Variants in NEBL observed in about 807,000 individuals in gnomAD.
NEBL encodes the protein LIM and SH3 protein 2.
Under a neutral mutation model 140.2 loss-of-function variants are expected in NEBL, and 122 were observed. The observed-to-expected ratio is 0.87, with a 90% CI of 0.75 to 1.01. The LOEUF (loss-of-function observed/expected upper bound fraction) is 1.01. Among genes scored for constraint, NEBL ranks in the 50% least tolerant of loss-of-function variants. The probability of loss-of-function intolerance (pLI) is 0.00; values close to 1 mark genes in which losing one functional copy is unlikely to be tolerated. For synonymous variants in NEBL, 436 were observed against 398.9 expected, an observed-to-expected ratio of 1.09 and a Z score of -1.11; for missense variants, 1,365 against 1,231.3, an observed-to-expected ratio of 1.11 and a Z score of -1.62.
At chr10:21,190,888 A>G (rs1209773695) in intron 3 of NEBL, among the ~76,000 whole-genome samples, 1 of 152,200 alleles carries the variant, frequency 6.6e-6, no homozygotes, top group Non-Finnish European at 1.5e-5. Context: ...GAGGTAAGTA[A>G]TATCTGAGGG....
intron 4 of NEBL, among the ~76,000 whole-genome samples, chr10:20,956,553 T>C (rs1212707394): frequency 2.6e-5 from 4 of 152,168 alleles, no homozygotes; most frequent in Non-Finnish European, 5.9e-5. Context: ...ACCTCATAAC[T>C]AATCGTCTAT....
chr10:21,095,755 A>T (rs886100976), intron 2 of NEBL, among the ~76,000 whole-genome samples: 1 of 152,186 alleles, frequency 6.6e-6, no homozygotes, highest in Middle Eastern at 3.2e-3. Context: ...ATGCAATGAG[A>T]TGTAATATAT....
Position 21,245,692 on chromosome 10 carries a change from C to T in NEBL, n.348+2229G>A, listed in dbSNP as rs1218881246. Among the ~76,000 whole-genome samples the T allele has an allele frequency of 7.3e-5, 11 of 151,428 alleles. No individual in the cohort carries two copies. The East Asian group carries it at 7.8e-4, about 11-fold the overall frequency. On this transcript the variant is annotated intron_variant and non_coding_transcript_variant, in intron 3 of 8. Coordinates refer to the NEBL transcript ENST00000675702. ...AATTGCAGGTGCCCACCACCATGCC[C>T]GGCTAATTTTTTGTATTAGCTGGGC...
intron 1 of NEBL, among the ~76,000 whole-genome samples, chr10:21,256,321 G>A (rs1842659903): frequency 6.6e-6 from 1 of 151,958 alleles, no homozygotes; most frequent in South Asian, 2.1e-4. Flanking sequence ...GCCCACCTTG[G>A]CCTCCCAAAA....
At chr10:21,058,852 A>G (rs763350201) in intron 2 of NEBL, among the ~76,000 whole-genome samples, 1 of 152,290 alleles carries the variant, frequency 6.6e-6, no homozygotes, top group Non-Finnish European at 1.5e-5. Flanking sequence ...CTATAGGTAC[A>G]AAACATTTAG....
chr10:20,920,268 T>C (rs1833517546), intron 4 of NEBL, among the ~76,000 whole-genome samples: 1 of 152,224 alleles, frequency 6.6e-6, no homozygotes, highest in Non-Finnish European at 1.5e-5. Flanking sequence ...ATGCATTCAC[T>C]TTTTAACCCA....
intron 2 of NEBL, among the ~76,000 whole-genome samples, chr10:21,158,466 T>A (rs1227760645): frequency 2.0e-5 from 3 of 152,248 alleles, no homozygotes; most frequent in African/African-American, 7.2e-5. Flanking sequence ...GAATGCCCAT[T>A]TTGCAGATGG....
At chr10:21,154,408 G>A (rs1840259193) in intron 2 of NEBL, among the ~76,000 whole-genome samples, 1 of 143,428 alleles carries the variant, frequency 7.0e-6, no homozygotes, top group Non-Finnish European at 1.5e-5. Context: ...GCAATGAGCT[G>A]AAATCGCGCC....
chr10:21,132,650 T>C (rs1284614732), intron 2 of NEBL, among the ~76,000 whole-genome samples: 1 of 152,224 alleles, frequency 6.6e-6, no homozygotes, highest in East Asian at 1.9e-4. Flanking sequence ...CAACATTTGT[T>C]ATTGTCCACC....
chr10:21,088,534 A>T (rs1170755383), intron 2 of NEBL, among the ~76,000 whole-genome samples: 1 of 152,150 alleles, frequency 6.6e-6, no homozygotes, highest in Admixed American at 6.5e-5. Flanking sequence ...CATCACTCTG[A>T]CCTTCTTTCA....
At position 21,288,111 on chromosome 10, in the gene NEBL, T is replaced by C. The variant is rs142560507; in HGVS notation, n.182+4719A>G. Among the ~76,000 whole-genome samples, 36 of 152,284 alleles carry C rather than the reference T, an allele frequency of 2.4e-4. No homozygotes were observed. In the East Asian group the frequency reaches 5.6e-3, roughly 24 times the overall value. On this transcript the variant is annotated intron_variant and non_coding_transcript_variant, in intron 1 of 8. Transcript: ENST00000675702. ...CCAAGTACCTGGTACCTAGAAACCA[T>C]TAAACAAATGGTAATCATTATGACA...
At chr10:20,918,719 C>T (rs985890139) in intron 4 of NEBL, among the ~76,000 whole-genome samples, 16 of 150,506 alleles carry the variant, frequency 1.1e-4, no homozygotes, top group Admixed American at 6.6e-4. Flanking sequence ...GGCGTGGTGG[C>T]GGGCGCCTAT....
intron 2 of NEBL, among the ~76,000 whole-genome samples, chr10:21,154,032 T>G (rs59738464): frequency 0.051 from 7,829 of 152,248 alleles, 586 homozygotes; most frequent in African/African-American, 0.16. Context: ...TCAGTGTTTT[T>G]GGGAAACTGT....
Position 20,946,639 on chromosome 10 carries a change from T to C in NEBL, c.357+15033A>G, listed in dbSNP as rs146938017. ...ACCACACCCAGATAACATTTGTATG[T>C]TTGGTAGAGACGAGGTTTCACCACG... On this transcript the variant is annotated intron_variant, in intron 4 of 6. Coordinates refer to the NEBL transcript ENST00000417816. Among the ~76,000 whole-genome samples, 31 of 152,232 alleles carry C rather than the reference T, an allele frequency of 2.0e-4. No individual in the cohort carries two copies. The East Asian group carries it at 5.0e-3, about 25-fold the overall frequency.
chr10:21,198,772 G>T lies in NEBL; in HGVS notation n.349-26295C>A, dbSNP rs57271575. Among the ~76,000 whole-genome samples, 1,451 of 151,864 alleles carry T rather than the reference G, an allele frequency of 9.6e-3. 26 individuals carry two copies. The highest frequency in any genetic ancestry group is 0.033 in the African/African-American group (1,376 of 41,398). ...TGCAGAGTAACTTAGCTCTTCTTCTGCCCAGAGCCTGCCCTATGACAGACC... is the reference window on the plus strand; with the variant it reads ...TGCAGAGTAACTTAGCTCTTCTTCTTCCCAGAGCCTGCCCTATGACAGACC... On this transcript the variant is annotated intron_variant and non_coding_transcript_variant, in intron 3 of 8. Coordinates refer to the NEBL transcript ENST00000675702.
At chr10:20,882,517 T>C (rs2131327625) in intron 4 of NEBL, among the ~76,000 whole-genome samples, 1 of 152,324 alleles carries the variant, frequency 6.6e-6, no homozygotes, top group Middle Eastern at 3.4e-3. Context: ...CTCACACCTT[T>C]TTATCCTGTG....
At chr10:21,229,855 T>C (rs953769916) in intron 3 of NEBL, among the ~76,000 whole-genome samples, 1 of 152,232 alleles carries the variant, frequency 6.6e-6, no homozygotes, top group Non-Finnish European at 1.5e-5. Flanking sequence ...ACTGACCTGG[T>C]AAACCTCATG....
rs148809325 is a variant in NEBL at position 20,848,541 on chromosome 10, G to A, written c.1116+1854C>T. 3.5e-3 allele frequency among the ~76,000 whole-genome samples: 534 copies of A among 152,286 alleles called. 8 individuals are homozygous for A. The highest frequency in any genetic ancestry group is 0.011 in the African/African-American group (465 of 41,570). ...CAAAGCAGGAGGTGAGCAAGGGTGA[G>A]GGAGCATTCCTGCCTGAGCTCTGCC... On this transcript the variant is annotated intron_variant, in intron 11 of 27. Coordinates refer to ENST00000377122, the MANE Select transcript of NEBL (RefSeq NM_006393.3).
At chr10:21,099,937 A>G (rs1048302959) in intron 2 of NEBL, among the ~76,000 whole-genome samples, 9 of 152,194 alleles carry the variant, frequency 5.9e-5, no homozygotes, top group African/African-American at 2.2e-4. Context: ...TTGAACCCCT[A>G]TTTAGGTTTG....
Sources: gnomAD v4.1 joint callset for allele counts (sites outside exome capture counted in the v4.1 genomes callset) on GRCh38, gnomAD v4.1.1 for gene constraint, MANE v1.5 for transcripts, NCBI Gene and HGNC (gene_info 2026-07-23, HGNC 2026-07-21) for gene names.